The following PBX1 variants were observed in gnomAD, a reference collection of about 807,000 sequenced individuals.
The protein encoded by PBX1 is pre-B-cell leukemia transcription factor 1.
Under a neutral mutation model 53.4 loss-of-function variants are expected in PBX1, and 6 were observed. That is an observed-to-expected ratio of 0.11 (90% CI 0.06 to 0.22). The LOEUF (loss-of-function observed/expected upper bound fraction) is 0.22, where lower values mean the gene tolerates loss of function less well. PBX1 is among the 10% of genes least tolerant of loss of function. The pLI is 1.00. For missense variants in PBX1, 251 were observed against 551.4 expected (o/e 0.46, Z 5.46); for synonymous variants, 204 against 212.3 (o/e 0.96, Z 0.34).
At chr1:164,613,123 A>G (rs1045841058) in intron 2 of PBX1, among the ~76,000 whole-genome samples, 1 of 152,234 alleles carries the variant, frequency 6.6e-6, no homozygotes, top group Non-Finnish European at 1.5e-5. Context: ...TGAAAATACA[A>G]CTAGTAGAAT....
At chr1:164,712,149 G>A (rs1232074805) in intron 2 of PBX1, among the ~76,000 whole-genome samples, 1 of 143,140 alleles carries the variant, frequency 7.0e-6, no homozygotes, top group Admixed American at 7.2e-5. Flanking sequence ...CAGCTTAGGC[G>A]TTGGAACCCA....
intron 2 of PBX1, among the ~76,000 whole-genome samples, chr1:164,613,741 C>T (rs1016671240): frequency 6.6e-6 from 1 of 152,156 alleles, no homozygotes; most frequent in Non-Finnish European, 1.5e-5. Flanking sequence ...TCTTCCTTCT[C>T]TTCTGGTGAG....
chr1:164,852,353 T>C (rs1671874139), downstream of PBX1, among the ~76,000 whole-genome samples: 1 of 152,240 alleles, frequency 6.6e-6, no homozygotes, highest in Non-Finnish European at 1.5e-5. Context: ...CCATCTGTTA[T>C]GCCTACCATC....
chr1:164,782,035 G>GA (rs963001987), intron 2 of PBX1, among the ~76,000 whole-genome samples: 37 of 152,250 alleles, frequency 2.4e-4, no homozygotes, highest in African/African-American at 8.9e-4. Context: ...AAAACCCTCT[G>GA]AAAAACCCCA....
chr1:164,812,737 T>C (rs1669677386), intron 6 of PBX1: 1 of 152,226 alleles, frequency 6.6e-6, no homozygotes, highest in African/African-American at 2.4e-5. Flanking sequence ...TCATGAGCTA[T>C]GTAATAGGCT....
chr1:164,814,057 G>A (rs1006438767), intron 6 of PBX1: 4 of 152,240 alleles, frequency 2.6e-5, no homozygotes, highest in South Asian at 4.1e-4. Flanking sequence ...TTCTAAAGTA[G>A]AGGCAAAAGA....
chr1:164,643,359 G>C (rs1659260421), intron 2 of PBX1, among the ~76,000 whole-genome samples: 1 of 152,154 alleles, frequency 6.6e-6, no homozygotes, highest in African/African-American at 2.4e-5. Context: ...CTAATAAAAA[G>C]AAAGGGCAAA....
intron 2 of PBX1, among the ~76,000 whole-genome samples, chr1:164,593,697 T>C (rs546018556): frequency 6.6e-6 from 1 of 152,262 alleles, no homozygotes; most frequent in Non-Finnish European, 1.5e-5. Flanking sequence ...CTTCCTTTTT[T>C]AGTTTTCACT....
chr1:164,562,925 A>G (rs1653166120), intron 1 of PBX1: 1 of 172,658 alleles, frequency 5.8e-6, no homozygotes, highest in Admixed American at 6.2e-5. Context: ...TGTCCTGGGA[A>G]GAATTGTGGG....
chr1:164,667,511 G>C (rs1008872234), intron 2 of PBX1, among the ~76,000 whole-genome samples: 1 of 152,014 alleles, frequency 6.6e-6, no homozygotes, highest in African/African-American at 2.4e-5. Flanking sequence ...AGAAGCAGTG[G>C]ACATTTGGGT....
At chr1:164,778,331 A>G (rs10800049) in intron 2 of PBX1, among the ~76,000 whole-genome samples, 40,569 of 152,086 alleles carry the variant, frequency 0.27, 5,978 homozygotes, top group African/African-American at 0.37. Context: ...AACAAATACC[A>G]TGTCTGTTTG....
At chr1:164,881,860 A>G (rs1321949977) in intron 2 of PBX1, among the ~76,000 whole-genome samples, 1 of 152,188 alleles carries the variant, frequency 6.6e-6, no homozygotes, top group African/African-American at 2.4e-5. Flanking sequence ...GCAAGGACAA[A>G]GAATCTTAGA....
In PBX1 at chr1:164,849,169, A is replaced by G; in HGVS notation, c.*2493A>G. 1 of 1,404,736 alleles carries G rather than the reference A, an allele frequency of 7.1e-7. No individual in the cohort carries two copies. Among genetic ancestry groups the G allele is most frequent in the Non-Finnish European group, 9.3e-7 (1 of 1,079,630 alleles). 87.0% of individuals were successfully genotyped at this position (1,404,736 alleles called of 1,614,324 possible). A position where few individuals can be genotyped will look rare whatever the true frequency, so the allele number is the denominator to read the frequency against. On this transcript the variant is annotated 3_prime_UTR_variant, in exon 9 of 9. Coordinates refer to ENST00000420696, the MANE Select transcript of PBX1 (RefSeq NM_002585.4). ...CAAAAGGGTTCTCTTGGAAACAAGA[A>G]GAGTGACTCCAGATGTGGCCTGAAT...
chr1:164,731,312 C>CA (rs57637058), intron 2 of PBX1, among the ~76,000 whole-genome samples: 2,800 of 118,040 alleles, frequency 0.024, 43 homozygotes, highest in South Asian at 0.071. Flanking sequence ...TTTCATCAGC[C>CA]AAAAAAAAAA....
chr1:164,559,857 C>G lies in PBX1; in HGVS notation c.35C>G (p.Ala12Gly). The change falls in exon 1 of 9, where the codon GCT becomes GGT. Residue 12 changes from alanine to glycine, a missense_variant. This residue lies in a region of PBX1 where 63 missense variants were observed against 78.7 expected (regional missense o/e 0.80). Coordinates refer to ENST00000420696, the MANE Select transcript of PBX1 (RefSeq NM_002585.4). Reference sequence around the variant, plus strand: ...CAGCCCAGGCTGATGCATTCCCATGCTGGGGTCGGGATGGCCGGACACCCC... The same window carrying G: ...CAGCCCAGGCTGATGCATTCCCATGGTGGGGTCGGGATGGCCGGACACCCC... ...DEQPRLMHSH[A>G]GVGMAGHPGL... is the part of the protein sequence containing the mutation. 6.5e-7 allele frequency: 1 copy of G among 1,549,882 alleles called. No homozygotes were observed. The highest frequency in any genetic ancestry group is 8.7e-7 in the Non-Finnish European group (1 of 1,146,606).
chr1:164,806,421 T>G (rs10800051), intron 4 of PBX1, among the ~76,000 whole-genome samples: 39,447 of 152,110 alleles, frequency 0.26, 6,019 homozygotes, highest in African/African-American at 0.41. Context: ...TTTTGAGGGA[T>G]GTCAAGCTGT....
chr1:164,831,734 T>C (rs1670775648), intron 8 of PBX1, among the ~76,000 whole-genome samples: 1 of 152,136 alleles, frequency 6.6e-6, no homozygotes, highest in Non-Finnish European at 1.5e-5. Flanking sequence ...TCTACCTCAT[T>C]TGTATAGTTT....
intron 2 of PBX1, among the ~76,000 whole-genome samples, chr1:164,621,374 G>A (rs571652984): frequency 3.9e-5 from 6 of 152,308 alleles, no homozygotes; most frequent in South Asian, 4.1e-4. Context: ...CAACGGGGGC[G>A]AGAATTAGGT....
chr1:164,750,357 T>TA (rs1178191633), intron 2 of PBX1, among the ~76,000 whole-genome samples: 5 of 152,210 alleles, frequency 3.3e-5, no homozygotes, highest in Non-Finnish European at 5.9e-5. Context: ...ATGATTCTGA[T>TA]ACGGCTACTG....
Sources: allele counts gnomAD v4.1 joint callset (sites outside exome capture counted in the v4.1 genomes callset), GRCh38; gene constraint gnomAD v4.1.1; regional missense constraint gnomAD v4.1.1; transcripts MANE v1.5; gene names NCBI Gene and HGNC (gene_info 2026-07-23, HGNC 2026-07-21).